Variants in TMEM132C observed in about 807,000 individuals in gnomAD.
TMEM132C encodes transmembrane protein 132C, also known as protein phosphatase 1, regulatory subunit 152.
TMEM132C carries 29 observed loss-of-function variants against 61.4 expected under a neutral mutation model. That is an observed-to-expected ratio of 0.47 (90% CI 0.35 to 0.64). The LOEUF (loss-of-function observed/expected upper bound fraction) is 0.64. TMEM132C is among the 30% of genes least tolerant of loss of function. TMEM132C has a pLI of 0.00. For missense variants in TMEM132C, 1,408 were observed against 1,476.9 expected (o/e 0.95, Z 0.76); for synonymous variants, 656 against 633.1 (o/e 1.04, Z -0.54).
At chr12:128,422,415 A>C (rs770432972) in intron 2 of TMEM132C, among the ~76,000 whole-genome samples, 1 of 152,232 alleles carries the variant, frequency 6.6e-6, no homozygotes, top group African/African-American at 2.4e-5. Context: ...ATTGATACCT[A>C]AAGAGCAGAG....
intron 2 of TMEM132C, among the ~76,000 whole-genome samples, chr12:128,540,981 CTG>C (rs1873720840): frequency 2.4e-5 from 3 of 126,990 alleles, no homozygotes; most frequent in African/African-American, 7.5e-5. Flanking sequence ...CTCTATCTCT[CTG>C]TCTGTATGTC....
intron 1 of TMEM132C, among the ~76,000 whole-genome samples, chr12:128,310,735 A>C (rs1035700468): frequency 6.6e-6 from 1 of 152,158 alleles, no homozygotes; most frequent in African/African-American, 2.4e-5. Context: ...TGCAAGCTAT[A>C]TCTACCAGTG....
chr12:128,529,848 G>T (rs1261336610), intron 2 of TMEM132C, among the ~76,000 whole-genome samples: 1 of 152,156 alleles, frequency 6.6e-6, no homozygotes, highest in Non-Finnish European at 1.5e-5. Flanking sequence ...GAACCCTGTG[G>T]ATTCTGAGGG....
At chr12:128,336,001 G>A (rs1031153437) in intron 1 of TMEM132C, among the ~76,000 whole-genome samples, 7 of 152,134 alleles carry the variant, frequency 4.6e-5, no homozygotes, top group African/African-American at 1.7e-4. Flanking sequence ...TAGACCAATG[G>A]AAAGAAAAGT....
intron 1 of TMEM132C, among the ~76,000 whole-genome samples, chr12:128,347,919 A>C (rs1002961658): frequency 6.6e-6 from 1 of 152,176 alleles, no homozygotes; most frequent in African/African-American, 2.4e-5. Context: ...TGTTTTGGCT[A>C]TTCTTGGTCT....
chr12:128,629,080 T>C (rs114384888), intron 4 of TMEM132C, among the ~76,000 whole-genome samples: 34 of 152,328 alleles, frequency 2.2e-4, no homozygotes, highest in African/African-American at 6.7e-4. Flanking sequence ...AGGGATAACT[T>C]TGGAGTGATT....
At chr12:128,687,920 G>T (rs12309317) in intron 5 of TMEM132C, among the ~76,000 whole-genome samples, 1 of 151,978 alleles carries the variant, frequency 6.6e-6, no homozygotes, top group Admixed American at 6.6e-5. Flanking sequence ...ATGCTTTCCC[G>T]GCTCACACTG....
At chr12:128,453,833 A>G (rs1325331283) in intron 2 of TMEM132C, among the ~76,000 whole-genome samples, 2 of 152,216 alleles carry the variant, frequency 1.3e-5, no homozygotes, top group Non-Finnish European at 2.9e-5. Flanking sequence ...CTCTTTGGCC[A>G]TCTATAGAAA....
intron 4 of TMEM132C, among the ~76,000 whole-genome samples, chr12:128,641,961 A>ATTTTTTTTTTT (rs34283461): frequency 1.6e-5 from 2 of 128,734 alleles, no homozygotes; most frequent in Non-Finnish European, 3.3e-5. Flanking sequence ...TGCCCGGCTA[A>ATTTTTTTTTTT]TTTTTTTTTT....
At chr12:128,558,845 G>A (rs896221220) in intron 3 of TMEM132C, among the ~76,000 whole-genome samples, 2 of 152,196 alleles carry the variant, frequency 1.3e-5, no homozygotes, top group Non-Finnish European at 2.9e-5. Flanking sequence ...CAACACTAAA[G>A]GTCCTAGGCT....
At chr12:128,340,270 A>C (rs1565905769) in intron 1 of TMEM132C, among the ~76,000 whole-genome samples, 1 of 152,144 alleles carries the variant, frequency 6.6e-6, no homozygotes, top group Non-Finnish European at 1.5e-5. Context: ...TAACATTAAC[A>C]CCTGATATCT....
At chr12:128,279,219 A>G (rs1160277587) in intron 1 of TMEM132C, among the ~76,000 whole-genome samples, 2 of 152,146 alleles carry the variant, frequency 1.3e-5, no homozygotes, top group Non-Finnish European at 2.9e-5. Context: ...CTTGAAGATA[A>G]TGGATTCCCA....
At chr12:128,544,155 G>T in intron 3 of TMEM132C, 52 bp downstream of exon 3, 4 of 1,454,056 alleles carry the variant, frequency 2.8e-6, no homozygotes, top group Non-Finnish European at 2.7e-6. Flanking sequence ...CCGGGCCCAG[G>T]CCGGCTGGTG....
chr12:128,401,070 G>A (rs1001339564), intron 1 of TMEM132C, among the ~76,000 whole-genome samples: 1 of 152,182 alleles, frequency 6.6e-6, no homozygotes, highest in South Asian at 2.1e-4. Context: ...TTAGACCAGG[G>A]AATGGCAAAC....
In TMEM132C at chr12:128,706,002, C is replaced by A. The variant is rs748889454; in HGVS notation, c.3034C>A (p.Leu1012Met). 7 of 1,551,602 alleles carry A rather than the reference C, an allele frequency of 4.5e-6. No individual in the cohort carries two copies. The South Asian group carries it at 8.3e-5, about 18-fold the overall frequency. Reference protein sequence around the residue: ...PGACEESNHLLLNGGSHKHVQ... With the variant: ...PGACEESNHLMLNGGSHKHVQ... Reference sequence around the variant, plus strand: ...GGCCTGCGAGGAGAGCAACCATCTCCTGCTCAATGGTGGCTCCCACAAGCA... The same window carrying A: ...GGCCTGCGAGGAGAGCAACCATCTCATGCTCAATGGTGGCTCCCACAAGCA... Residue 1012 changes from leucine (L) to methionine (M), a missense_variant, in exon 9 of 9, where the codon CTG becomes ATG. Coordinates refer to ENST00000435159, the MANE Select transcript of TMEM132C (RefSeq NM_001136103.3).
intron 2 of TMEM132C, among the ~76,000 whole-genome samples, chr12:128,516,788 C>T (rs1010838146): frequency 7.9e-5 from 12 of 151,924 alleles, no homozygotes; most frequent in Admixed American, 2.0e-4. Flanking sequence ...GTGGTACATT[C>T]CTGTAGTTCC....
chr12:128,306,240 C>T (rs10773523), intron 1 of TMEM132C, among the ~76,000 whole-genome samples: 79,224 of 148,370 alleles, frequency 0.53, 21,840 homozygotes, highest in Middle Eastern at 0.63. Context: ...AGCCTTGCTC[C>T]GTTGCCCAGG....
chr12:128,660,615 C>A (rs1469116023), intron 4 of TMEM132C, among the ~76,000 whole-genome samples: 2 of 152,162 alleles, frequency 1.3e-5, no homozygotes, highest in Non-Finnish European at 2.9e-5. Context: ...AGTCACTTTC[C>A]CAGCATATAG....
At position 128,693,385 on chromosome 12, in the gene TMEM132C, A is replaced by G. The variant is rs1954733848; in HGVS notation, c.1450-444A>G. Among the ~76,000 whole-genome samples, 4 of 152,210 alleles carry G rather than the reference A, an allele frequency of 2.6e-5. No homozygotes were observed. The South Asian group carries it at 8.3e-4, about 32-fold the overall frequency. Reference sequence around the variant, plus strand: ...ATTTCAGCTACAGCTGCAGTTCTGTACAAGTTCAAGTTCACTTTTTGATTG... The same window carrying G: ...ATTTCAGCTACAGCTGCAGTTCTGTGCAAGTTCAAGTTCACTTTTTGATTG... On this transcript the variant is annotated intron_variant, in intron 5 of 8. Transcript: ENST00000435159.
Sources: gnomAD v4.1 joint callset for allele counts (sites outside exome capture counted in the v4.1 genomes callset) on GRCh38, gnomAD v4.1.1 for gene constraint, MANE v1.5 for transcripts, NCBI Gene and HGNC (gene_info 2026-07-23, HGNC 2026-07-21) for gene names.